PRDM4: variants seen among roughly 807,000 people sequenced by gnomAD.
PRDM4 encodes PR domain zinc finger protein 4.
PRDM4 carries 38 observed loss-of-function variants against 62.3 expected under a neutral mutation model. That is an observed-to-expected ratio of 0.61 (90% CI 0.47 to 0.80). PRDM4 has a LOEUF of 0.80. Among genes scored for constraint, PRDM4 ranks in the 30% least tolerant of loss-of-function variants. The pLI, the probability that PRDM4 is intolerant of heterozygous loss-of-function variation, is 0.00. For missense variants in PRDM4, 858 were observed against 997.1 expected (o/e 0.86, Z 1.88); for synonymous variants, 339 against 348.2 (o/e 0.97, Z 0.30).
intron 5 of PRDM4, among the ~76,000 whole-genome samples, chr12:107,748,817 T>C (rs936653467): frequency 3.3e-5 from 5 of 152,180 alleles, no homozygotes; most frequent in African/African-American, 1.2e-4. Flanking sequence ...TTAAAATGTA[T>C]ACATAAATTA....
chr12:107,742,189 G>C (rs1201609574), intron 9 of PRDM4, 32 bp downstream of exon 9: 1 of 1,593,190 alleles, frequency 6.3e-7, no homozygotes, highest in African/African-American at 1.4e-5. Context: ...TTTTTACTAA[G>C]CCAGATTCAT....
intron 4 of PRDM4, 87 bp from the exon 5 acceptor site, chr12:107,752,296 T>A: frequency 1.1e-6 from 1 of 931,134 alleles, no homozygotes; most frequent in Non-Finnish European, 1.6e-6. Flanking sequence ...CTTACAAACA[T>A]AACTAAGTTC....
chr12:107,735,489 G>C (rs909888853), intron 11 of PRDM4, among the ~76,000 whole-genome samples: 12 of 151,994 alleles, frequency 7.9e-5, no homozygotes, highest in African/African-American at 2.4e-4. Flanking sequence ...TTAGACTAGT[G>C]GTTCTCAAGT....
At chr12:107,743,138 C>T in intron 8 of PRDM4, 59 bp downstream of exon 8, 1 of 1,353,428 alleles carries the variant, frequency 7.4e-7, no homozygotes, top group Non-Finnish European at 1.1e-6. Context: ...TTATGCAAAG[C>T]TTCCTATTGA....
chr12:107,758,206 G>C (rs920356932), intron 2 of PRDM4: 2 of 146,122 alleles, frequency 1.4e-5, no homozygotes, highest in Non-Finnish European at 3.0e-5. Context: ...ATTGGGCTAA[G>C]TGATTTATAT....
rs1891083882 is a variant in PRDM4, at chr12:107,756,962, C to T, written c.15G>A (p.Met5Ile). The T allele has an allele frequency of 6.2e-7, 1 of 1,614,010 alleles. No individual in the cohort carries two copies. Among genetic ancestry groups the T allele is most frequent in the Non-Finnish European group, 8.5e-7 (1 of 1,179,996 alleles). Residue 5 changes from methionine (M) to isoleucine (I), a missense_variant, in exon 3 of 12, where the codon ATG becomes ATA. This residue lies in a region of PRDM4 where 499 missense variants were observed against 546.7 expected (regional missense o/e 0.91). Transcript: ENST00000228437. ...CCACTGGACTCAGGTTCATTTCATT[C>T]ATCCTAGAAAAGAGCACACACAACT... Reference protein sequence around the residue: MHHRMNEMNLSPVGM... With the variant: MHHRINEMNLSPVGM...
intron 2 of PRDM4, chr12:107,758,177 C>T (rs1891119082): frequency 6.6e-6 from 1 of 151,808 alleles, no homozygotes. Context: ...ATTTATGGCT[C>T]CCTTACCATG....
intron 2 of PRDM4, among the ~76,000 whole-genome samples, chr12:107,760,257 G>C (rs761718399): frequency 7.9e-5 from 12 of 152,174 alleles, no homozygotes; most frequent in Non-Finnish European, 1.6e-4. Context: ...ATAACTGAAA[G>C]ACACAGGAAA....
At chr12:107,740,380 A>G (rs1890478566) in intron 10 of PRDM4, among the ~76,000 whole-genome samples, 1 of 152,100 alleles carries the variant, frequency 6.6e-6, no homozygotes, top group Non-Finnish European at 1.5e-5. Flanking sequence ...CATGCTACTC[A>G]GGAGGCTGAG....
At position 107,757,658 on chromosome 12, in the gene PRDM4, T is replaced by A. The variant is rs188789561; in HGVS notation, c.12-693A>T. Reference sequence around the variant, plus strand: ...TCATATGCCCCAAATCACATAGCTATTAAGTGAAAGATCACAGATCAAACT... The same window carrying A: ...TCATATGCCCCAAATCACATAGCTAATAAGTGAAAGATCACAGATCAAACT... On this transcript the variant is annotated intron_variant, in intron 2 of 11. Coordinates refer to ENST00000228437, the MANE Select transcript of PRDM4 (RefSeq NM_012406.4). Among the ~76,000 whole-genome samples the A allele has an allele frequency of 2.7e-3, 417 of 152,296 alleles. 2 individuals carry two copies. The highest frequency in any genetic ancestry group is 5.8e-3 in the Admixed American group (88 of 15,298).
At position 107,760,125 on chromosome 12, in the gene PRDM4, G is replaced by A. The variant is rs528699560; in HGVS notation, c.11+380C>T. 2.9e-4 allele frequency among the ~76,000 whole-genome samples: 44 copies of A among 152,296 alleles called. 1 individual carries two copies. In the South Asian group the frequency reaches 8.3e-3, roughly 29 times the overall value. On this transcript the variant is annotated intron_variant, in intron 2 of 11. Transcript: ENST00000228437. The stretch of plus-strand genomic sequence containing the variant: ...TTCTGTACTTAAACATCAGCATGAA[G>A]CTTGCAGAATTAAGAACTTAATTCC...
At position 107,741,209 on chromosome 12, in the gene PRDM4, T is replaced by C. The variant is rs144646778; in HGVS notation, c.1661A>G (p.Asn554Ser). 30 of 1,614,140 alleles carry C rather than the reference T, an allele frequency of 1.9e-5. No homozygotes were observed. The East Asian group carries it at 3.6e-4, about 19-fold the overall frequency. ...ATGGGCTTTGAACTCTGTGTAAGAA[T>C]TGCACTCCTTGCCACAGTTACAGAG... ...VHLCNCGKEC[N>S]SYTEFKAHLT... The change falls in exon 10 of 12, where the codon AAT (asparagine) becomes AGT (serine). Residue 554 changes from asparagine (N) to serine (S), a missense_variant. By Grantham distance (46) the Asn-to-Ser change is conservative (BLOSUM62 1). Around this residue, in one of 3 missense-constraint regions of PRDM4, gnomAD observed 355 missense variants for 432.6 expected, o/e 0.82. Coordinates refer to ENST00000228437, the MANE Select transcript of PRDM4 (RefSeq NM_012406.4).
At chr12:107,756,608 C>T (rs1422290799) in intron 3 of PRDM4, among the ~76,000 whole-genome samples, 2 of 152,188 alleles carry the variant, frequency 1.3e-5, no homozygotes, top group South Asian at 2.1e-4. Context: ...CAGAAGAGGA[C>T]TATCAGAAAA....
In PRDM4 at chr12:107,735,292, T is replaced by G. The variant is rs1244996037; in HGVS notation, c.2094-770A>C. Among the ~76,000 whole-genome samples the G allele has an allele frequency of 3.9e-5, 6 of 152,340 alleles. No homozygotes were observed. The East Asian group carries it at 5.8e-4, about 15-fold the overall frequency. On this transcript the variant is annotated intron_variant, in intron 11 of 11. Transcript: ENST00000228437. ...ACTTTACAAGATAATGACAAACGGTTTTCCAATGTAGTTGTTTCAATATAC... is the reference window on the plus strand; with the variant it reads ...ACTTTACAAGATAATGACAAACGGTGTTCCAATGTAGTTGTTTCAATATAC...
intron 1 of PRDM4, 24 bp from the exon 2 acceptor site, chr12:107,760,795 G>A (rs1891221086): frequency 2.3e-6 from 1 of 429,968 alleles, no homozygotes; most frequent in Non-Finnish European, 4.2e-6. Flanking sequence ...GACAAGAGCG[G>A]TCACCAAAAC....
chr12:107,735,759 G>A (rs7978546), intron 11 of PRDM4, among the ~76,000 whole-genome samples: 93,608 of 149,928 alleles, frequency 0.62, 29,740 homozygotes, highest in East Asian at 0.71. Context: ...GAATTTTTTA[G>A]CTTTTTTTTT....
At chr12:107,742,570 C>T in intron 8 of PRDM4, 5 of 532,892 alleles carry the variant, frequency 9.4e-6, no homozygotes, top group South Asian at 9.4e-5. Context: ...TAGTCAAAAA[C>T]ACTACAGTCT....
intron 2 of PRDM4, among the ~76,000 whole-genome samples, chr12:107,757,534 T>C (rs1286750185): frequency 6.6e-6 from 1 of 152,214 alleles, no homozygotes; most frequent in East Asian, 1.9e-4. Context: ...AGGGTCATTA[T>C]GTAAGCTTTG....
In PRDM4 at chr12:107,749,075, G is replaced by A. The variant is rs1890812869; in HGVS notation, c.1126+2340C>T. ...TCCTCCTATTTTTGATGCTCCCGTT[G>A]AGTCTATTTGGAAGCTCCTCTTCTG... On this transcript the variant is annotated intron_variant, in intron 5 of 11. Transcript: ENST00000228437. 2.0e-5 allele frequency among the ~76,000 whole-genome samples: 3 copies of A among 152,110 alleles called. No homozygotes were observed. In the South Asian group the frequency reaches 6.2e-4, roughly 31 times the overall value.
Sources: gnomAD v4.1 joint callset for allele counts (sites outside exome capture counted in the v4.1 genomes callset) on GRCh38, gnomAD v4.1.1 for gene constraint, gnomAD v4.1.1 regional missense constraint, MANE v1.5 for transcripts, NCBI Gene and HGNC (gene_info 2026-07-23, HGNC 2026-07-21) for gene names.